The following ENOX1 variants were observed in gnomAD, a reference collection of about 807,000 sequenced individuals.
The protein encoded by ENOX1 is candidate growth-related and time keeping constitutive hydroquinone (NADH) oxidase.
ENOX1 carries 42 observed loss-of-function variants against 82.5 expected under a neutral mutation model. The observed-to-expected ratio is 0.51, with a 90% confidence interval of 0.40 to 0.66. The LOEUF (loss-of-function observed/expected upper bound fraction) is 0.66, where lower values mean the gene tolerates loss of function less well. Ranked by LOEUF, ENOX1 falls within the 30% of genes least tolerant of loss-of-function variation. ENOX1 has a pLI of 0.00. For missense variants in ENOX1, 608 were observed against 811.6 expected (o/e 0.75, Z 3.05); for synonymous variants, 271 against 282.2 (o/e 0.96, Z 0.40).
intron 2 of ENOX1, among the ~76,000 whole-genome samples, chr13:43,559,558 T>C (rs1019984315): frequency 6.6e-6 from 1 of 152,224 alleles, no homozygotes; most frequent in Non-Finnish European, 1.5e-5. Flanking sequence ...TATTTAAATA[T>C]GCTTATTTTA....
intron 3 of ENOX1, among the ~76,000 whole-genome samples, chr13:43,472,480 C>CAGTGCGCCGATCAGGGCGTAGT (rs2058111198): frequency 6.6e-6 from 1 of 152,146 alleles, no homozygotes; most frequent in East Asian, 1.9e-4. Flanking sequence ...ACGGTATTTC[C>CAGTGCGCCGATCAGGGCGTAGT]TTGACTTTCA....
intron 1 of ENOX1, among the ~76,000 whole-genome samples, chr13:43,755,569 A>T (rs900211753): frequency 5.3e-5 from 8 of 152,176 alleles, no homozygotes; most frequent in African/African-American, 1.4e-4. Flanking sequence ...ATTATAATAC[A>T]TGTTGACGGT....
chr13:43,325,850 C>G (rs765483222), intron 10 of ENOX1, among the ~76,000 whole-genome samples: 1 of 152,148 alleles, frequency 6.6e-6, no homozygotes, highest in Non-Finnish European at 1.5e-5. Flanking sequence ...CTAGACTGTT[C>G]TCTTGGGGGT....
intron 2 of ENOX1, among the ~76,000 whole-genome samples, chr13:43,542,139 CTTTT>C (rs1289254202): frequency 6.6e-6 from 1 of 151,934 alleles, no homozygotes; most frequent in Non-Finnish European, 1.5e-5. Flanking sequence ...GTGTCTTCTT[CTTTT>C]TTTTCTTTTT....
intron 2 of ENOX1, chr13:43,544,753 G>T (rs1027888277): frequency 3.9e-5 from 6 of 152,126 alleles, no homozygotes; most frequent in African/African-American, 1.4e-4. Context: ...CATCCAGTAA[G>T]CGTCACCTTA....
intron 2 of ENOX1, among the ~76,000 whole-genome samples, chr13:43,573,944 G>A (rs1042976347): frequency 6.6e-6 from 1 of 152,176 alleles, no homozygotes; most frequent in East Asian, 1.9e-4. Context: ...TTAAAAATTG[G>A]AGGTATTTGA....
At chr13:43,445,339 G>A (rs940565434) in intron 3 of ENOX1, among the ~76,000 whole-genome samples, 18 of 152,152 alleles carry the variant, frequency 1.2e-4, no homozygotes, top group Middle Eastern at 3.4e-3. Context: ...TAGCCAGGAT[G>A]GTCTTGATCT....
chr13:43,610,221 T>C (rs780959862), intron 2 of ENOX1, among the ~76,000 whole-genome samples: 10 of 152,220 alleles, frequency 6.6e-5, no homozygotes, highest in Non-Finnish European at 1.5e-4. Context: ...ATTTATGTAA[T>C]ATTTTTGCAA....
At chr13:43,312,539 T>C (rs1362865197) in intron 11 of ENOX1, among the ~76,000 whole-genome samples, 1 of 152,156 alleles carries the variant, frequency 6.6e-6, no homozygotes, top group African/African-American at 2.4e-5. Context: ...ATTTTTCTCT[T>C]TATCTTTTTG....
chr13:43,253,007 G>C (rs950455330), intron 14 of ENOX1, among the ~76,000 whole-genome samples: 1 of 152,220 alleles, frequency 6.6e-6, no homozygotes, highest in Non-Finnish European at 1.5e-5. Context: ...CCCCCAGGAA[G>C]ACCACCAAAC....
Position 43,594,573 on chromosome 13 carries a change from G to T in ENOX1, c.-219+72906C>A, listed in dbSNP as rs1474254776. Among the ~76,000 whole-genome samples the T allele has an allele frequency of 2.0e-5, 3 of 152,280 alleles. No individual in the cohort carries two copies. The East Asian group carries it at 5.8e-4, about 29-fold the overall frequency. Reference sequence around the variant, plus strand: ...CTTTGGTTTATATATAGGTGGTTAGGATATATCAGGCGCTGTGTAGCCCTC... The same window carrying T: ...CTTTGGTTTATATATAGGTGGTTAGTATATATCAGGCGCTGTGTAGCCCTC... On this transcript the variant is annotated intron_variant, in intron 2 of 16. Transcript: ENST00000690772.
At chr13:43,741,781 T>A (rs1281000386) in intron 1 of ENOX1, among the ~76,000 whole-genome samples, 1 of 152,246 alleles carries the variant, frequency 6.6e-6, no homozygotes, top group Non-Finnish European at 1.5e-5. Flanking sequence ...CTGTTGCTCG[T>A]GCTTTTAGTG....
intron 2 of ENOX1, chr13:43,547,339 A>G (rs2079014229): frequency 6.6e-6 from 1 of 152,134 alleles, no homozygotes; most frequent in South Asian, 2.1e-4. Context: ...AGCCAGAGAT[A>G]AAAGTATGGA....
intron 11 of ENOX1, among the ~76,000 whole-genome samples, chr13:43,315,815 G>A (rs960903334): frequency 2.0e-5 from 3 of 152,128 alleles, no homozygotes; most frequent in African/African-American, 4.8e-5. Flanking sequence ...GCCTGCTACA[G>A]AAACAGGATT....
intron 2 of ENOX1, among the ~76,000 whole-genome samples, chr13:43,512,933 A>G (rs1593570265): frequency 6.6e-6 from 1 of 152,132 alleles, no homozygotes; most frequent in South Asian, 2.1e-4. Flanking sequence ...GATGCCAGAG[A>G]GATAATGATG....
intron 8 of ENOX1, among the ~76,000 whole-genome samples, chr13:43,349,454 C>T (rs1424018035): frequency 6.6e-6 from 1 of 152,190 alleles, no homozygotes; most frequent in Non-Finnish European, 1.5e-5. Context: ...GGAATCCACG[C>T]CCATCTCATT....
chr13:43,460,740 G>T (rs917411239), intron 3 of ENOX1, among the ~76,000 whole-genome samples: 2 of 144,980 alleles, frequency 1.4e-5, no homozygotes, highest in African/African-American at 5.1e-5. Context: ...CTTGCAGTGG[G>T]CAGAGATCGC....
At chr13:43,456,512 C>A (rs1260329590) in intron 3 of ENOX1, among the ~76,000 whole-genome samples, 2 of 152,096 alleles carry the variant, frequency 1.3e-5, no homozygotes, top group African/African-American at 4.8e-5. Flanking sequence ...AGGGACTCTG[C>A]CAATCAGTCA....
At chr13:43,355,723 C>G (rs560824580) in intron 8 of ENOX1, among the ~76,000 whole-genome samples, 196 bp downstream of exon 8, 1 of 152,334 alleles carries the variant, frequency 6.6e-6, no homozygotes, top group African/African-American at 2.4e-5. Context: ...CAGGTGTCTG[C>G]AGCTTCCAGG....
Sources: allele counts gnomAD v4.1 joint callset (sites outside exome capture counted in the v4.1 genomes callset), GRCh38; gene constraint gnomAD v4.1.1; transcripts MANE v1.5; gene names NCBI Gene and HGNC (gene_info 2026-07-23, HGNC 2026-07-21).